Variants in KIAA0825 observed in about 807,000 individuals in gnomAD.
KIAA0825 encodes the protein KIAA0825.
A neutral mutation model predicts 147.6 loss-of-function variants in KIAA0825; 119 were observed. The ratio of observed to expected loss-of-function variants is 0.81; its 90% CI spans 0.69 to 0.94. KIAA0825 has a LOEUF of 0.94. Ranked by LOEUF, KIAA0825 falls within the 40% of genes least tolerant of loss-of-function variation. The pLI is 0.00. For missense variants in KIAA0825, 1,381 were observed against 1,472.7 expected (o/e 0.94, Z 1.02); for synonymous variants, 470 against 518.1 (o/e 0.91, Z 1.26).
At chr5:94,503,892 G>C (rs1765385783) in intron 5 of KIAA0825, among the ~76,000 whole-genome samples, 1 of 152,174 alleles carries the variant, frequency 6.6e-6, no homozygotes, top group Non-Finnish European at 1.5e-5. Context: ...AGAGTGCTCA[G>C]AGCTAGACTT....
At chr5:94,534,972 A>G (rs1232538915) in intron 3 of KIAA0825, among the ~76,000 whole-genome samples, 1 of 152,154 alleles carries the variant, frequency 6.6e-6, no homozygotes, top group African/African-American at 2.4e-5. Flanking sequence ...ATACATAAAT[A>G]TATAACATGA....
chr5:94,216,936 C>T (rs1195960979), intron 20 of KIAA0825, among the ~76,000 whole-genome samples: 1 of 152,152 alleles, frequency 6.6e-6, no homozygotes, highest in East Asian at 1.9e-4. Context: ...ATCAGGCCCT[C>T]ATTTACACAT....
At chr5:94,422,343 T>A (rs1754298036) in intron 14 of KIAA0825, among the ~76,000 whole-genome samples, 1 of 152,112 alleles carries the variant, frequency 6.6e-6, no homozygotes, top group South Asian at 2.1e-4. Context: ...TCTTGCTAAA[T>A]TCCCCCCAGT....
intron 20 of KIAA0825, among the ~76,000 whole-genome samples, chr5:94,372,573 T>C (rs908243010): frequency 6.6e-6 from 1 of 152,210 alleles, no homozygotes; most frequent in African/African-American, 2.4e-5. Context: ...AGGCTGGAGC[T>C]GAAGCAGCTG....
At chr5:94,406,735 A>G (rs997713870) in intron 15 of KIAA0825, among the ~76,000 whole-genome samples, 1 of 152,190 alleles carries the variant, frequency 6.6e-6, no homozygotes, top group Non-Finnish European at 1.5e-5. Context: ...CCCAGCTCCC[A>G]TTCCTCAGCA....
At chr5:94,535,349 A>C (rs1771754323) in intron 3 of KIAA0825, among the ~76,000 whole-genome samples, 1 of 152,060 alleles carries the variant, frequency 6.6e-6, no homozygotes, top group South Asian at 2.1e-4. Flanking sequence ...GTCTGTACCA[A>C]AAATACAAAA....
chr5:94,491,775 T>C (rs537157229), intron 5 of KIAA0825, among the ~76,000 whole-genome samples: 1 of 152,372 alleles, frequency 6.6e-6, no homozygotes, highest in East Asian at 1.9e-4. Flanking sequence ...AATTTCTTAC[T>C]TCTCATCTCT....
At chr5:94,264,774 T>C (rs1367809334) in intron 20 of KIAA0825, among the ~76,000 whole-genome samples, 1 of 151,816 alleles carries the variant, frequency 6.6e-6, no homozygotes, top group Admixed American at 6.6e-5. Context: ...TCATTACACA[T>C]ACATACACAT....
At chr5:94,320,475 C>T (rs966684098) in intron 20 of KIAA0825, among the ~76,000 whole-genome samples, 5 of 151,658 alleles carry the variant, frequency 3.3e-5, no homozygotes, top group Admixed American at 3.3e-4. Flanking sequence ...TCTTCATCCA[C>T]CCCCCTCACC....
At chr5:94,212,913 C>A (rs577355334) in intron 20 of KIAA0825, among the ~76,000 whole-genome samples, 29 of 152,152 alleles carry the variant, frequency 1.9e-4, no homozygotes, top group South Asian at 1.9e-3. Flanking sequence ...AGAACTACCA[C>A]CTTAACAAAG....
intron 20 of KIAA0825, among the ~76,000 whole-genome samples, chr5:94,189,372 A>T (rs896946154): frequency 6.6e-6 from 1 of 152,096 alleles, no homozygotes; most frequent in Admixed American, 6.5e-5. Flanking sequence ...TTTCTTTCCT[A>T]TGTTTTCTTC....
chr5:94,484,953 C>A, intron 5 of KIAA0825, 23 bp from the exon 6 acceptor site: 1 of 1,417,826 alleles, frequency 7.1e-7, no homozygotes, highest in Non-Finnish European at 9.4e-7. Context: ...AAGATCAATA[C>A]TGTCATACAT....
chr5:94,507,871 A>G (rs1204579137), intron 5 of KIAA0825, among the ~76,000 whole-genome samples: 1 of 152,230 alleles, frequency 6.6e-6, no homozygotes, highest in Admixed American at 6.5e-5. Flanking sequence ...AAATTTCCAA[A>G]GTAGAACATG....
chr5:94,512,448 A>T (rs995118995), intron 5 of KIAA0825, among the ~76,000 whole-genome samples: 1 of 152,090 alleles, frequency 6.6e-6, no homozygotes, highest in African/African-American at 2.4e-5. Flanking sequence ...AGGCATTCAC[A>T]TTAATTATTA....
chr5:94,520,842 T>G lies in KIAA0825; in HGVS notation c.376A>C (p.Ser126Arg). The G allele has an allele frequency of 6.2e-7, 1 of 1,612,960 alleles. No homozygotes were observed. The highest frequency in any genetic ancestry group is 8.5e-7 in the Non-Finnish European group (1 of 1,179,314). Reference sequence around the variant, plus strand: ...CTTAGGGTTGATGGGAATGAAACGCTGCTGTGGCAGGAGAGGTCCCAAAGT... The same window carrying G: ...CTTAGGGTTGATGGGAATGAAACGCGGCTGTGGCAGGAGAGGTCCCAAAGT... ...DLLWDLSCHS[S>R]VSFPSTLSGT... The change falls in exon 5 of 21, where the codon AGC becomes CGC. Residue 126 changes from serine to arginine, a missense_variant. Coordinates refer to ENST00000682413, the MANE Select transcript of KIAA0825 (RefSeq NM_001145678.3).
At chr5:94,277,915 G>C (rs918475684) in intron 20 of KIAA0825, among the ~76,000 whole-genome samples, 4 of 152,074 alleles carry the variant, frequency 2.6e-5, no homozygotes, top group African/African-American at 9.7e-5. Context: ...CATATACACC[G>C]TGGAATACTA....
At chr5:94,482,200 A>G (rs1430117831) in intron 6 of KIAA0825, among the ~76,000 whole-genome samples, 1 of 152,134 alleles carries the variant, frequency 6.6e-6, no homozygotes, top group Non-Finnish European at 1.5e-5. Context: ...CAATCAAATT[A>G]CTGAGAGAAC....
intron 20 of KIAA0825, among the ~76,000 whole-genome samples, chr5:94,196,273 G>T (rs1470052958): frequency 1.3e-5 from 2 of 152,062 alleles, no homozygotes; most frequent in African/African-American, 2.4e-5. Flanking sequence ...TAATGTCCCT[G>T]TACTTCCCAT....
chr5:94,438,281 A>G (rs111595971), intron 14 of KIAA0825, among the ~76,000 whole-genome samples: 117 of 152,336 alleles, frequency 7.7e-4, no homozygotes, highest in African/African-American at 2.7e-3. Context: ...TAACAATAGT[A>G]TATATTTTAT....
Sources: allele counts gnomAD v4.1 joint callset (sites outside exome capture counted in the v4.1 genomes callset), GRCh38; gene constraint gnomAD v4.1.1; transcripts MANE v1.5; gene names NCBI Gene and HGNC (gene_info 2026-07-23, HGNC 2026-07-21).